The following RUNX1 variants were observed in gnomAD, a reference collection of about 807,000 sequenced individuals.
The protein encoded by RUNX1 is runt-related transcription factor 1.
RUNX1 carries 19 observed loss-of-function variants against 42.8 expected under a neutral mutation model. That is an observed-to-expected ratio of 0.44 (90% CI 0.31 to 0.65). The LOEUF (loss-of-function observed/expected upper bound fraction) is 0.65. RUNX1 is among the 30% of genes least tolerant of loss of function. RUNX1 has a pLI of 0.07. For synonymous variants in RUNX1, 271 were observed against 289.4 expected (o/e 0.94, Z 0.64); for missense variants, 528 against 672.0 (o/e 0.79, Z 2.37).
At chr21:34,837,843 C>T (rs543191361) in intron 6 of RUNX1, among the ~76,000 whole-genome samples, 224 of 152,234 alleles carry the variant, frequency 1.5e-3, no homozygotes, top group African/African-American at 5.2e-3. Context: ...CAAGATTTCA[C>T]CCTGGGACAT....
chr21:35,006,475 T>A (rs1032463242), intron 2 of RUNX1, among the ~76,000 whole-genome samples: 1 of 152,138 alleles, frequency 6.6e-6, no homozygotes, highest in African/African-American at 2.4e-5. Flanking sequence ...ACTACCCACA[T>A]GGCTCAGAGG....
At chr21:34,977,973 T>G (rs7281262) in intron 2 of RUNX1, among the ~76,000 whole-genome samples, 151,911 of 151,912 alleles carry the variant, frequency 1, 75,955 homozygotes, top group Non-Finnish European at 1. Flanking sequence ...CCAGGCTGGA[T>G]TGCGGTGGCA....
chr21:34,984,991 T>C (rs968737510), intron 2 of RUNX1, among the ~76,000 whole-genome samples: 9 of 152,090 alleles, frequency 5.9e-5, no homozygotes, highest in South Asian at 2.1e-4. Context: ...CCAAAATATA[T>C]AGCATGGTAG....
intron 2 of RUNX1, among the ~76,000 whole-genome samples, chr21:34,989,608 G>A (rs970309868): frequency 6.6e-6 from 1 of 152,074 alleles, no homozygotes; most frequent in Non-Finnish European, 1.5e-5. Flanking sequence ...GAAGCTCTGA[G>A]GATGATTCTT....
chr21:34,964,162 T>C (rs548237641), intron 2 of RUNX1, among the ~76,000 whole-genome samples: 1 of 152,178 alleles, frequency 6.6e-6, no homozygotes, highest in South Asian at 2.1e-4. Context: ...GAACAAGTGA[T>C]GCCAACAGCA....
At chr21:35,023,532 C>A (rs2242891) in intron 2 of RUNX1, among the ~76,000 whole-genome samples, 10 of 152,038 alleles carry the variant, frequency 6.6e-5, no homozygotes, top group Non-Finnish European at 1.0e-4. Context: ...CCTCCCTAGC[C>A]GGGAGGCCAG....
At chr21:34,840,156 A>G (rs943490584) in intron 6 of RUNX1, among the ~76,000 whole-genome samples, 3 of 152,130 alleles carry the variant, frequency 2.0e-5, no homozygotes, top group Non-Finnish European at 4.4e-5. Flanking sequence ...GTAGGAAGTA[A>G]TTTCTGCTGT....
At chr21:34,906,137 AT>A in intron 2 of RUNX1, among the ~76,000 whole-genome samples, 1 of 152,224 alleles carries the variant, frequency 6.6e-6, no homozygotes, top group Admixed American at 6.5e-5. Context: ...AAACTAATAT[AT>A]AAGTGTACAT....
rs16992474 is a variant in RUNX1, at chr21:34,897,161, T to C, written c.59-4198A>G. ...TTCCAGACTTGGATCCATGGATTGATCTTTGCCCTCATCCAGTCTGTTGCC... is the reference window on the plus strand; with the variant it reads ...TTCCAGACTTGGATCCATGGATTGACCTTTGCCCTCATCCAGTCTGTTGCC... On this transcript the variant is annotated intron_variant, in intron 2 of 8. Coordinates refer to ENST00000675419, the MANE Select transcript of RUNX1 (RefSeq NM_001754.5). 8.8e-3 allele frequency among the ~76,000 whole-genome samples: 1,342 copies of C among 152,334 alleles called. 23 individuals carry two copies. The highest frequency in any genetic ancestry group is 0.03 in the African/African-American group (1,260 of 41,566).
At chr21:34,876,017 T>G (rs986422576) in intron 5 of RUNX1, among the ~76,000 whole-genome samples, 4 of 152,224 alleles carry the variant, frequency 2.6e-5, no homozygotes, top group Non-Finnish European at 5.9e-5. Flanking sequence ...TATAAATGTG[T>G]TGGGAAAGGA....
At chr21:34,974,801 C>A (rs1257867607) in intron 2 of RUNX1, among the ~76,000 whole-genome samples, 1 of 152,140 alleles carries the variant, frequency 6.6e-6, no homozygotes, top group Non-Finnish European at 1.5e-5. Flanking sequence ...TTAACAGATC[C>A]ATTAACAAAT....
At chr21:34,845,577 C>T (rs184446701) in intron 6 of RUNX1, among the ~76,000 whole-genome samples, 5 of 152,282 alleles carry the variant, frequency 3.3e-5, no homozygotes, top group African/African-American at 1.2e-4. Flanking sequence ...CTTCAACAGT[C>T]CCTCTTCTGT....
Position 34,862,115 on chromosome 21 carries a change from T to TGA in RUNX1, c.509-2539_509-2538dup, listed in dbSNP as rs137981085. Among the ~76,000 whole-genome samples the TGA allele has an allele frequency of 1.5e-3, 221 of 148,498 alleles. 1 individual carries two copies. The highest frequency in any genetic ancestry group is 3.9e-3 in the African/African-American group (158 of 40,542). On this transcript the variant is annotated intron_variant, in intron 5 of 8. Transcript: ENST00000675419. ...AGGTCTAGGGGTGCATGTGGGTGTA[T>TGA]GAGAGAGAGAGAGAGAGAGACTGAG...
In RUNX1 at chr21:34,843,007, T is replaced by C. The variant is rs979734537; in HGVS notation, c.614-8406A>G. Among the ~76,000 whole-genome samples the C allele has an allele frequency of 6.6e-6, 1 of 152,018 alleles. No homozygotes were observed. The highest frequency in any genetic ancestry group is 1.5e-5 in the Non-Finnish European group (1 of 68,004). ...ATTGCTAGAACCCAGGAGGCAGAAG[T>C]TGCAATGAGCCAAGATCATGCCAGT... On this transcript the variant is annotated intron_variant, in intron 6 of 8. Transcript: ENST00000675419. This position sits in a 1 kb window ranked among gnomAD's most constrained non-coding sequence, Gnocchi z 4.8.
intron 8 of RUNX1, among the ~76,000 whole-genome samples, chr21:34,797,825 C>G (rs916853592): frequency 6.6e-6 from 1 of 152,160 alleles, no homozygotes; most frequent in African/African-American, 2.4e-5. Context: ...TGGTTCTCAC[C>G]TGGGGACAGT....
At chr21:35,043,544 T>C (rs1463031904) in intron 2 of RUNX1, among the ~76,000 whole-genome samples, 2 of 152,168 alleles carry the variant, frequency 1.3e-5, no homozygotes. Flanking sequence ...TTAAGTGGCT[T>C]TGTGTTATTA....
intron 5 of RUNX1, among the ~76,000 whole-genome samples, chr21:34,874,610 CAAA>C (rs59950735): frequency 1.2e-4 from 3 of 25,298 alleles, no homozygotes; most frequent in Admixed American, 1.1e-3. Context: ...AACTCTGTCT[CAAA>C]AAAAAAAAAA....
intron 5 of RUNX1, among the ~76,000 whole-genome samples, chr21:34,872,716 A>G (rs192824765): frequency 7.0e-4 from 107 of 152,324 alleles, no homozygotes; most frequent in African/African-American, 2.5e-3. Context: ...TCTCAATCTC[A>G]GCACAACTGA....
Position 34,887,853 on chromosome 21 carries a change from T to A in RUNX1, c.98-757A>T. On this transcript the variant is annotated intron_variant, in intron 3 of 8. Coordinates refer to ENST00000675419, the MANE Select transcript of RUNX1 (RefSeq NM_001754.5). ...AGTTGGAGCAGTGCTGAGCTAGAAG[T>A]ACTTGTCATGTTCTCTGTTCTCTCA... 6.6e-6 allele frequency: 7 copies of A among 1,064,950 alleles called. No individual in the cohort carries two copies. In the South Asian group the frequency reaches 2.7e-4, roughly 42 times the overall value. 66.0% of individuals were successfully genotyped at this position (1,064,950 alleles called of 1,614,324 possible).
Sources: allele counts gnomAD v4.1 joint callset (sites outside exome capture counted in the v4.1 genomes callset), GRCh38; gene constraint gnomAD v4.1.1; non-coding constraint Gnocchi (gnomAD v3.1); transcripts MANE v1.5; gene names NCBI Gene and HGNC (gene_info 2026-07-23, HGNC 2026-07-21).